The following PRUNE2 variants were observed in gnomAD, a reference collection of about 807,000 sequenced individuals.
PRUNE2 encodes the protein protein prune homolog 2.
PRUNE2 carries 164 observed loss-of-function variants against 252.0 expected under a neutral mutation model. The ratio of observed to expected loss-of-function variants is 0.65; its 90% CI spans 0.57 to 0.74. The LOEUF (loss-of-function observed/expected upper bound fraction) is 0.74, where lower values mean the gene tolerates loss of function less well. Ranked by LOEUF, PRUNE2 falls within the 30% of genes least tolerant of loss-of-function variation. PRUNE2 has a pLI of 0.00. For missense variants in PRUNE2, 3,495 were observed against 3,711.0 expected, an observed-to-expected ratio of 0.94 and a Z score of 1.51; for synonymous variants, 1,292 against 1,350.2, an observed-to-expected ratio of 0.96 and a Z score of 0.94.
intron 6 of PRUNE2, chr9:76,819,588 T>C (rs2057915306): frequency 6.6e-6 from 1 of 152,220 alleles, no homozygotes; most frequent in Non-Finnish European, 1.5e-5. Flanking sequence ...TTCTTTGTTA[T>C]GCCAGCTCTA....
chr9:76,688,772 TC>T lies in PRUNE2; in HGVS notation c.8276+14564del, dbSNP rs1196057237. Among the ~76,000 whole-genome samples, 4 of 152,220 alleles carry T rather than the reference TC, an allele frequency of 2.6e-5. No individual in the cohort carries two copies. The East Asian group carries it at 7.7e-4, about 29-fold the overall frequency. On this transcript the variant is annotated intron_variant, in intron 9 of 18. Coordinates refer to ENST00000376718, the MANE Select transcript of PRUNE2 (RefSeq NM_015225.3). The stretch of plus-strand genomic sequence containing the variant: ...TGACAAAAAACACTGAATACAGACT[TC>T]CTTGTTGCAGCCTCAGGGCCTCTTA...
intron 6 of PRUNE2, among the ~76,000 whole-genome samples, chr9:76,782,433 A>G (rs1210330735): frequency 6.6e-6 from 1 of 152,150 alleles, no homozygotes; most frequent in Non-Finnish European, 1.5e-5. Flanking sequence ...TCATATTTTT[A>G]CAGCCTTGGG....
intron 2 of PRUNE2, among the ~76,000 whole-genome samples, chr9:76,853,448 A>G (rs1358121808): frequency 6.6e-6 from 1 of 152,206 alleles, no homozygotes; most frequent in African/African-American, 2.4e-5. Context: ...GAGCTCATGA[A>G]TTTTATAGAT....
At chr9:76,880,977 T>C (rs2061742370) in intron 1 of PRUNE2, among the ~76,000 whole-genome samples, 1 of 151,482 alleles carries the variant, frequency 6.6e-6, no homozygotes, top group African/African-American at 2.4e-5. Context: ...TTTTTTTTTT[T>C]TGAGACGGAG....
intron 9 of PRUNE2, among the ~76,000 whole-genome samples, chr9:76,678,806 C>T (rs1001422956): frequency 1.1e-4 from 16 of 152,122 alleles, no homozygotes; most frequent in South Asian, 4.1e-4. Flanking sequence ...CCAGCCTGGG[C>T]GACAAAGTGA....
Position 76,614,421 on chromosome 9 carries a change from C to T in PRUNE2, c.*149G>A, listed in dbSNP as rs1185807047. On this transcript the variant is annotated 3_prime_UTR_variant, in exon 19 of 19. Transcript: ENST00000376718. Reference sequence around the variant, plus strand: ...TTTCATAAAATATCTTAAGAGTAAACAAACTTTCTATTTTTCCCCTTAGAA... The same window carrying T: ...TTTCATAAAATATCTTAAGAGTAAATAAACTTTCTATTTTTCCCCTTAGAA... 5 of 691,172 alleles carry T rather than the reference C, an allele frequency of 7.2e-6. No individual in the cohort carries two copies. The highest frequency in any genetic ancestry group is 1.0e-5 in the Non-Finnish European group (4 of 396,692). The allele number at this position is 691,172 out of a possible 1,614,324, so 42.8% of individuals were successfully genotyped here.
At chr9:76,857,568 A>C (rs1200457577) in intron 1 of PRUNE2, among the ~76,000 whole-genome samples, 2 of 152,186 alleles carry the variant, frequency 1.3e-5, no homozygotes, top group Non-Finnish European at 2.9e-5. Flanking sequence ...ACCACTGATA[A>C]GATAGAATTG....
At chr9:76,898,836 T>C (rs2062999875) in intron 1 of PRUNE2, among the ~76,000 whole-genome samples, 1 of 152,214 alleles carries the variant, frequency 6.6e-6, no homozygotes, top group African/African-American at 2.4e-5. Context: ...AAAAAGACTC[T>C]GGCATTACAG....
chr9:76,800,301 T>A (rs1055078390), intron 6 of PRUNE2, among the ~76,000 whole-genome samples: 1 of 151,400 alleles, frequency 6.6e-6, no homozygotes, highest in Non-Finnish European at 1.5e-5. Flanking sequence ...ACATGCGGTG[T>A]TTGGTTTTTT....
At chr9:76,699,343 C>A (rs901036130) in intron 9 of PRUNE2, among the ~76,000 whole-genome samples, 1 of 151,850 alleles carries the variant, frequency 6.6e-6, no homozygotes, top group Non-Finnish European at 1.5e-5. Context: ...CTATGGTGCC[C>A]AGTTATTTGG....
At chr9:76,646,811 T>C (rs1179522324) in intron 11 of PRUNE2, among the ~76,000 whole-genome samples, 2 of 152,196 alleles carry the variant, frequency 1.3e-5, no homozygotes, top group Non-Finnish European at 2.9e-5. Context: ...TGACCTGCTC[T>C]AGCTTTACCC....
intron 15 of PRUNE2, among the ~76,000 whole-genome samples, chr9:76,633,619 AC>A (rs1838700671): frequency 6.6e-6 from 1 of 151,696 alleles, no homozygotes; most frequent in African/African-American, 2.4e-5. Flanking sequence ...ACAGCCACTT[AC>A]TTGTTTGCAT....
chr9:76,826,620 G>A lies in PRUNE2; in HGVS notation c.621C>T (p.Asp207=), dbSNP rs772894276. Residue 207 remains aspartate (D), a synonymous_variant, in exon 5 of 19, where the codon GAC becomes GAT. Coordinates refer to ENST00000376718, the MANE Select transcript of PRUNE2 (RefSeq NM_015225.3). ...EKFPNLPPRE[D]IINVLQETQF... ...GGGTCTCCTGTAGGACGTTGATGAT[G>A]TCCTCTCTTGGAGGCAAGTTAGGAA... 1 of 1,611,820 alleles carries A rather than the reference G, an allele frequency of 6.2e-7. No individual in the cohort carries two copies. Among genetic ancestry groups the A allele is most frequent in the South Asian group, 1.1e-5 (1 of 90,568 alleles).
chr9:76,830,745 G>C lies in PRUNE2; in HGVS notation c.509-4013C>G, dbSNP rs193080405. 8.3e-4 allele frequency among the ~76,000 whole-genome samples: 125 copies of C among 150,602 alleles called. 1 individual carries two copies. Among genetic ancestry groups the C allele is most frequent in the South Asian group, 2.1e-3 (10 of 4,766 alleles). The stretch of plus-strand genomic sequence containing the variant: ...GACAAACACCTCTAGGTGCCTGATA[G>C]TAAAACTGCTAAAAAAATTATGGAG... On this transcript the variant is annotated intron_variant, in intron 4 of 18. Coordinates refer to ENST00000376718, the MANE Select transcript of PRUNE2 (RefSeq NM_015225.3).
chr9:76,654,326 T>C (rs562997313), intron 10 of PRUNE2, among the ~76,000 whole-genome samples: 5 of 152,342 alleles, frequency 3.3e-5, no homozygotes, highest in African/African-American at 7.2e-5. Context: ...TGTTCCCCTG[T>C]CAGTCATTAA....
At chr9:76,640,241 TAAAGTAATG>T (rs1436667953) in intron 12 of PRUNE2, among the ~76,000 whole-genome samples, 1 of 152,190 alleles carries the variant, frequency 6.6e-6, no homozygotes, top group African/African-American at 2.4e-5. Context: ...TTCATGGCAG[TAAAGTAATG>T]GCTGTGTATA....
At chr9:76,824,103 AG>A (rs1295054862) in intron 5 of PRUNE2, among the ~76,000 whole-genome samples, 1 of 152,136 alleles carries the variant, frequency 6.6e-6, no homozygotes, top group Non-Finnish European at 1.5e-5. Context: ...CTTCCACCTA[AG>A]CAGGAAGAAG....
intron 4 of PRUNE2, among the ~76,000 whole-genome samples, chr9:76,837,313 GCA>G (rs2059051601): frequency 6.6e-6 from 1 of 152,006 alleles, no homozygotes; most frequent in Non-Finnish European, 1.5e-5. Context: ...GTGGTGGCGG[GCA>G]CCTGCAGTCC....
chr9:76,765,145 G>A (rs1198855646), intron 6 of PRUNE2, among the ~76,000 whole-genome samples: 2 of 152,118 alleles, frequency 1.3e-5, no homozygotes, highest in Admixed American at 1.3e-4. Flanking sequence ...CACTTAGAGT[G>A]GACATGCAGT....
Sources: allele counts gnomAD v4.1 joint callset (sites outside exome capture counted in the v4.1 genomes callset), GRCh38; gene constraint gnomAD v4.1.1; transcripts MANE v1.5; gene names NCBI Gene and HGNC (gene_info 2026-07-23, HGNC 2026-07-21).